The following DPP6 variants were observed in gnomAD, a reference collection of about 807,000 sequenced individuals.
The protein encoded by DPP6 is A-type potassium channel modulatory protein DPP6.
DPP6 carries 69 observed loss-of-function variants against 122.6 expected under a neutral mutation model. That is an observed-to-expected ratio of 0.56 (90% CI 0.46 to 0.69). The LOEUF (loss-of-function observed/expected upper bound fraction) is 0.69, where lower values mean the gene tolerates loss of function less well. Among genes scored for constraint, DPP6 ranks in the 30% least tolerant of loss-of-function variants. The pLI is 0.00. For missense variants in DPP6, 928 were observed against 1,116.9 expected, an observed-to-expected ratio of 0.83 and a Z score of 2.41; for synonymous variants, 418 against 433.1, an observed-to-expected ratio of 0.97 and a Z score of 0.43.
chr7:153,925,035 T>A (rs554690079), intron 1 of DPP6, among the ~76,000 whole-genome samples: 67 of 152,222 alleles, frequency 4.4e-4, no homozygotes, highest in African/African-American at 1.5e-3. Context: ...CAGGGCCAGG[T>A]CAGAAGCCTG....
At chr7:154,506,799 A>G (rs1427216247) in intron 3 of DPP6, among the ~76,000 whole-genome samples, 1 of 152,198 alleles carries the variant, frequency 6.6e-6, no homozygotes. Flanking sequence ...ACCTTTTAGA[A>G]GCTGCTTAGT....
intron 1 of DPP6, among the ~76,000 whole-genome samples, chr7:153,972,982 A>G (rs538275040): frequency 6.6e-6 from 1 of 152,078 alleles, no homozygotes; most frequent in Non-Finnish European, 1.5e-5. Flanking sequence ...AATTTAGTCT[A>G]AAAGTGGGTT....
chr7:154,821,605 ATATATATATATATTTTTTTTCTG>A lies in DPP6; in HGVS notation c.1666+14507_1666+14529del, dbSNP rs2150497932. 2.3e-5 allele frequency among the ~76,000 whole-genome samples: 1 copy of A among 43,036 alleles called. No individual in the cohort carries two copies. The highest frequency in any genetic ancestry group is 8.4e-5 in the African/African-American group (1 of 11,976). The allele number at this position is 43,036 out of a possible 152,430, so 28.2% of individuals were successfully genotyped here. On this transcript the variant is annotated intron_variant, in intron 16 of 25. Transcript: ENST00000377770. The surrounding 1 kb of genome is among the most constrained non-coding windows in gnomAD (Gnocchi z 4.2). ...TTTTCAAATGAAATGTTAAGTGAAT[ATATATATATATATTTTTTTTCTG>A]TATATATATATATATATACACATAT...
intron 1 of DPP6, among the ~76,000 whole-genome samples, chr7:154,158,902 A>G (rs536974998): frequency 6.6e-6 from 1 of 151,940 alleles, no homozygotes; most frequent in South Asian, 2.1e-4. Context: ...GGAGGCTGGG[A>G]AGGGTGTCTC....
At chr7:153,917,303 G>A (rs892823401) in intron 1 of DPP6, among the ~76,000 whole-genome samples, 2 of 152,234 alleles carry the variant, frequency 1.3e-5, no homozygotes, top group Admixed American at 6.5e-5. Flanking sequence ...TATTCTGGGA[G>A]CAGAGGCCTG....
chr7:153,764,363 G>A, the DPP6 span, among the ~76,000 whole-genome samples: 2 of 149,138 alleles, frequency 1.3e-5, no homozygotes, highest in Non-Finnish European at 3.0e-5. Flanking sequence ...TCTGCACTCA[G>A]CAGTCCTCCC....
intron 9 of DPP6, among the ~76,000 whole-genome samples, chr7:154,771,136 A>G (rs1372132188): frequency 1.3e-5 from 2 of 152,256 alleles, no homozygotes; most frequent in African/African-American, 4.8e-5. Flanking sequence ...GCTGGCTTAC[A>G]GTTTGCAGCA....
chr7:154,672,195 A>G (rs1838611814), intron 7 of DPP6, among the ~76,000 whole-genome samples: 1 of 152,092 alleles, frequency 6.6e-6, no homozygotes, highest in Non-Finnish European at 1.5e-5. Flanking sequence ...CCCTGTGAAG[A>G]GGTGCCTTCT....
chr7:153,948,017 G>A (rs956876655), intron 1 of DPP6, among the ~76,000 whole-genome samples: 2 of 152,152 alleles, frequency 1.3e-5, no homozygotes, highest in African/African-American at 2.4e-5. Flanking sequence ...TAAAGACACT[G>A]GCATGTTGGA....
Position 154,486,873 on chromosome 7 carries a change from GGATGATGCTGGGCCCCGCTGTT to G in DPP6, c.457+11841_457+11862del. Among the ~76,000 whole-genome samples, 1 of 152,298 alleles carries G rather than the reference GGATGATGCTGGGCCCCGCTGTT, an allele frequency of 6.6e-6. No individual in the cohort carries two copies. Among genetic ancestry groups the G allele is most frequent in the South Asian group, 2.1e-4 (1 of 4,826 alleles). ...GGGCGGACTCTAGTTCCTAACTGAT[GGATGATGCTGGGCCCCGCTGTT>G]GATGCTGCTTAATTCATAATTTGGG... On this transcript the variant is annotated intron_variant, in intron 3 of 25. Transcript: ENST00000377770. The surrounding 1 kb of genome is among the most constrained non-coding windows in gnomAD (Gnocchi z 4.5).
intron 1 of DPP6, among the ~76,000 whole-genome samples, chr7:154,249,707 C>T (rs774033588): frequency 5.9e-5 from 9 of 152,214 alleles, no homozygotes; most frequent in South Asian, 2.1e-4. Context: ...TACAATGCCA[C>T]GGAGCCTGTC....
At chr7:154,017,791 A>C (rs890873991) in intron 1 of DPP6, among the ~76,000 whole-genome samples, 3 of 151,542 alleles carry the variant, frequency 2.0e-5, no homozygotes, top group Non-Finnish European at 4.4e-5. Context: ...CCAAAACCTT[A>C]TCCTTACTTA....
chr7:154,862,677 C>T (rs1803508552), intron 17 of DPP6, among the ~76,000 whole-genome samples: 1 of 152,178 alleles, frequency 6.6e-6, no homozygotes, highest in Non-Finnish European at 1.5e-5. Context: ...TGCACCCGCT[C>T]ATCCGTGGGC....
chr7:153,948,051 T>C (rs1017319752), intron 1 of DPP6, among the ~76,000 whole-genome samples: 3 of 151,962 alleles, frequency 2.0e-5, no homozygotes, highest in African/African-American at 7.3e-5. Context: ...GGTGACCTCA[T>C]GGTAACCTAG....
At chr7:153,830,106 T>G in the DPP6 span, among the ~76,000 whole-genome samples, 2 of 152,228 alleles carry the variant, frequency 1.3e-5, no homozygotes, top group African/African-American at 2.4e-5. Context: ...TCAACAATAA[T>G]GTACTTGTCT....
the DPP6 span, among the ~76,000 whole-genome samples, chr7:153,873,333 G>A: frequency 2.9e-4 from 44 of 152,190 alleles, no homozygotes; most frequent in Non-Finnish European, 4.9e-4. Context: ...GAGATTTGGA[G>A]GGGCCAAAAC....
the DPP6 span, among the ~76,000 whole-genome samples, chr7:153,841,411 G>T: frequency 6.6e-6 from 1 of 152,132 alleles, no homozygotes; most frequent in Non-Finnish European, 1.5e-5. Context: ...CTTGTTGACT[G>T]CCCTACCTGC....
the DPP6 span, among the ~76,000 whole-genome samples, chr7:153,804,374 C>G: frequency 6.6e-6 from 1 of 152,080 alleles, no homozygotes; most frequent in African/African-American, 2.4e-5. Context: ...TGATATCTAG[C>G]TTGCTCTACT....
intron 1 of DPP6, among the ~76,000 whole-genome samples, chr7:154,014,924 A>T (rs1408729630): frequency 1.3e-5 from 2 of 152,020 alleles, no homozygotes; most frequent in Admixed American, 6.6e-5. Flanking sequence ...ATAATGATGG[A>T]TACTTATTAA....
Sources: gnomAD v4.1 joint callset for allele counts (sites outside exome capture counted in the v4.1 genomes callset) on GRCh38, gnomAD v4.1.1 for gene constraint, Gnocchi (gnomAD v3.1) non-coding constraint, MANE v1.5 for transcripts, NCBI Gene and HGNC (gene_info 2026-07-23, HGNC 2026-07-21) for gene names.